Variants in CCKBR observed in about 807,000 individuals in gnomAD.
CCKBR encodes gastrin/cholecystokinin type B receptor.
A neutral mutation model predicts 34.6 loss-of-function variants in CCKBR; 33 were observed. The observed-to-expected ratio is 0.95, with a 90% CI of 0.72 to 1.27. The LOEUF is 1.27. CCKBR is among the 50% of genes most tolerant of loss of function. The pLI, the probability that CCKBR is intolerant of heterozygous loss-of-function variation, is 0.00. For missense variants in CCKBR, 652 were observed against 617.4 expected (o/e 1.06, Z -0.59); for synonymous variants, 269 against 267.5 (o/e 1.01, Z -0.06).
chr11:6,261,859 T>C (rs1047954208), intron 1 of CCKBR, among the ~76,000 whole-genome samples: 3 of 152,170 alleles, frequency 2.0e-5, no homozygotes, highest in Non-Finnish European at 2.9e-5. Context: ...GGTTACTATA[T>C]TACACTGTTC....
At position 6,259,918 on chromosome 11, in the gene CCKBR, C is replaced by G; in HGVS notation, c.-11C>G. Reference sequence around the variant, plus strand: ...GTCGAGCTGAGTAAGGCGGCGGGCTCGGCGGGGGCCATGGAGCTGCTAAAG... The same window carrying G: ...GTCGAGCTGAGTAAGGCGGCGGGCTGGGCGGGGGCCATGGAGCTGCTAAAG... On this transcript the variant is annotated 5_prime_UTR_variant, in exon 1 of 5. Coordinates refer to ENST00000334619, the MANE Select transcript of CCKBR (RefSeq NM_176875.4). 7.0e-7 allele frequency: 1 copy of G among 1,431,388 alleles called. No individual in the cohort carries two copies. Among genetic ancestry groups the G allele is most frequent in the Non-Finnish European group, 9.1e-7 (1 of 1,094,992 alleles). 88.7% of individuals were successfully genotyped at this position (1,431,388 alleles called of 1,614,324 possible).
rs746419391 is a variant in CCKBR, at chr11:6,270,676, C to T, written c.684C>T (p.Phe228=). ...TACTGCTGCTTCTGCTCTTGTTCTT[C>T]ATCCCGGGTGTGGTTATGGCCGTGG... ...WSVLLLLLLF[F]IPGVVMAVAY... is the part of the protein sequence containing the mutation. Residue 228 remains phenylalanine, a synonymous_variant, in exon 4 of 5, where the codon TTC becomes TTT. Transcript: ENST00000334619. 2 of 1,611,214 alleles carry T rather than the reference C, an allele frequency of 1.2e-6. No homozygotes were observed. Among genetic ancestry groups the T allele is most frequent in the South Asian group, 2.2e-5 (2 of 90,968 alleles).
In CCKBR at chr11:6,271,536, C is replaced by G; in HGVS notation, c.1337C>G (p.Pro446Arg). 1.3e-6 allele frequency: 2 copies of G among 1,591,544 alleles called. No individual in the cohort carries two copies. Among genetic ancestry groups the G allele is most frequent in the South Asian group, 1.1e-5 (1 of 89,848 alleles). ...TACACCACCATCAGCACACTGGGCC[C>G]TGGCTGAGGAGTAGAGGGGCCGTGG... ...LSYTTISTLG[P>R]G Residue 446 changes from proline (P) to arginine (R), a missense_variant, in exon 5 of 5, where the codon CCT becomes CGT. Coordinates refer to ENST00000334619, the MANE Select transcript of CCKBR (RefSeq NM_176875.4).
Position 6,259,853 on chromosome 11 carries a change from C to G in CCKBR, c.-76C>G. ...GGGCGGCGGGAGCCTGAGCCGGAAT[C>G]GCAGCGTGAGCAGGTGGAGCCGCGT... On this transcript the variant is annotated 5_prime_UTR_variant, in exon 1 of 5. It adds an upstream start codon to the 5' untranslated region. Transcript: ENST00000334619. The G allele has an allele frequency of 8.1e-7, 1 of 1,238,034 alleles. No individual in the cohort carries two copies. The highest frequency in any genetic ancestry group is 1.1e-6 in the Non-Finnish European group (1 of 944,158). 76.7% of individuals were successfully genotyped at this position (1,238,034 alleles called of 1,614,324 possible). A position where few individuals can be genotyped will look rare whatever the true frequency, so the allele number is the denominator to read the frequency against.
At position 6,271,214 on chromosome 11, in the gene CCKBR, G is replaced by T; in HGVS notation, c.1015G>T (p.Val339Phe). The T allele has an allele frequency of 6.2e-7, 1 of 1,614,178 alleles. No individual in the cohort carries two copies. The highest frequency in any genetic ancestry group is 2.2e-5 in the East Asian group (1 of 44,878). ...KRVVRMLLVI[V>F]VLFFLCWLPV... ...CGTGGTGCGAATGTTGCTGGTGATC[G>T]TTGTGCTTTTTTTTCTGTGTTGGTT... The change falls in exon 5 of 5, where the codon GTT (valine) becomes TTT (phenylalanine). Residue 339 changes from valine (V) to phenylalanine (F), a missense_variant. By Grantham distance (50) the Val-to-Phe change is conservative (BLOSUM62 -1). Transcript: ENST00000334619.
chr11:6,271,410 CTT>C lies in CCKBR; in HGVS notation c.1212_1213del (p.Cys405ArgfsTer18). On this transcript the variant is annotated frameshift_variant, in exon 5 of 5. Coordinates refer to ENST00000334619, the MANE Select transcript of CCKBR (RefSeq NM_176875.4). LOFTEE classifies it high-confidence loss of function. ...CGCTTTCGCCAGGCCTGCCTGGAAA[CTT>C]GCGCTCGCTGCTGCCCCCGGCCTCC... 6.2e-7 allele frequency: 1 copy of C among 1,613,958 alleles called. No individual in the cohort carries two copies. Among genetic ancestry groups the C allele is most frequent in the Non-Finnish European group, 8.5e-7 (1 of 1,180,042 alleles).
intron 2 of CCKBR, 56 bp from the exon 3 acceptor site, chr11:6,270,032 T>C: frequency 1.3e-6 from 2 of 1,587,772 alleles, no homozygotes; most frequent in Non-Finnish European, 1.7e-6. Context: ...GTCCCACTGA[T>C]GCTTGTGTAG....
At chr11:6,269,957 C>A (rs200916711) in intron 2 of CCKBR, 37 bp downstream of exon 2, 25 of 1,611,224 alleles carry the variant, frequency 1.6e-5, no homozygotes, top group African/African-American at 2.7e-5. Flanking sequence ...ACTTGCCACT[C>A]TCCCCGCCTA....
In CCKBR at chr11:6,259,904, TA is replaced by T. The variant is rs1431527181; in HGVS notation, c.-23del. 7.0e-7 allele frequency: 1 copy of T among 1,423,430 alleles called. No individual in the cohort carries two copies. Among genetic ancestry groups the T allele is most frequent in the Non-Finnish European group, 9.2e-7 (1 of 1,091,854 alleles). The allele number at this position is 1,423,430 out of a possible 1,614,324, so 88.2% of individuals were successfully genotyped here. A position where few individuals can be genotyped will look rare whatever the true frequency, so the allele number is the denominator to read the frequency against. On this transcript the variant is annotated 5_prime_UTR_variant, in exon 1 of 5. Transcript: ENST00000334619. The stretch of plus-strand genomic sequence containing the variant: ...TGGGAGCCCGCCGGGTCGAGCTGAG[TA>T]AGGCGGCGGGCTCGGCGGGGGCCAT...
intron 2 of CCKBR, 64 bp from the exon 3 acceptor site, chr11:6,270,024 C>T: frequency 6.3e-7 from 1 of 1,587,208 alleles, no homozygotes; most frequent in Non-Finnish European, 8.6e-7. Flanking sequence ...GTGAGGAAGT[C>T]CCACTGATGC....
Position 6,271,128 on chromosome 11 carries a change from C to T in CCKBR, c.929C>T (p.Thr310Met), listed in dbSNP as rs376332235. 8 of 1,613,998 alleles carry T rather than the reference C, an allele frequency of 5.0e-6. No homozygotes were observed. The East Asian group carries it at 1.6e-4, about 31-fold the overall frequency. ...CCTGCCCTGGAGCTGACGGCGCTGA[C>T]GGCTCCTGGGCCGGGATCCGGCTCC... ...SRPALELTAL[T>M]APGPGSGSRP... is the part of the protein sequence containing the mutation. Residue 310 changes from threonine (T) to methionine (M), a missense_variant, in exon 5 of 5, where the codon ACG becomes ATG. Physicochemically the swap from Thr to Met is moderately conservative, Grantham distance 81. Coordinates refer to ENST00000334619, the MANE Select transcript of CCKBR (RefSeq NM_176875.4).
chr11:6,266,534 T>C (rs1248138592), intron 1 of CCKBR, among the ~76,000 whole-genome samples: 2 of 151,318 alleles, frequency 1.3e-5, no homozygotes, highest in Admixed American at 1.3e-4. Context: ...AACATGGAGG[T>C]AGTATGATGA....
rs1848103004 is a variant in CCKBR, at chr11:6,259,977, C to A, written c.49C>A (p.Pro17Thr). 1.9e-6 allele frequency: 3 copies of A among 1,561,088 alleles called. No individual in the cohort carries two copies. The highest frequency in any genetic ancestry group is 2.6e-6 in the Non-Finnish European group (3 of 1,157,464). ...NRSVQGTGPG[P>T]GASLCRPGAP... is the part of the protein sequence containing the mutation. ...GAGCGTGCAGGGAACCGGACCCGGGCCGGGGGCTTCCCTGTGCCGCCCGGG... is the reference window on the plus strand; with the variant it reads ...GAGCGTGCAGGGAACCGGACCCGGGACGGGGGCTTCCCTGTGCCGCCCGGG... Residue 17 changes from proline (P) to threonine (T), a missense_variant, in exon 1 of 5, where the codon CCG (proline) becomes ACG (threonine). Physicochemically the swap from Pro to Thr is conservative, Grantham distance 38. Coordinates refer to ENST00000334619, the MANE Select transcript of CCKBR (RefSeq NM_176875.4).
chr11:6,271,370 T>A lies in CCKBR; in HGVS notation c.1171T>A (p.Cys391Ser). Reference protein sequence around the residue: ...ASACVNPLVYCFMHRRFRQAC... With the variant: ...ASACVNPLVYSFMHRRFRQAC... The stretch of plus-strand genomic sequence containing the variant: ...GGCCTGTGTCAACCCCCTGGTCTAC[T>A]GCTTCATGCACCGTCGCTTTCGCCA... Residue 391 changes from cysteine to serine, a missense_variant, in exon 5 of 5, where the codon TGC (cysteine) becomes AGC (serine). Physicochemically the swap from Cys to Ser is moderately radical, Grantham distance 112 (BLOSUM62 -1). Coordinates refer to ENST00000334619, the MANE Select transcript of CCKBR (RefSeq NM_176875.4). 1 of 1,614,184 alleles carries A rather than the reference T, an allele frequency of 6.2e-7. No homozygotes were observed. Among genetic ancestry groups the A allele is most frequent in the African/African-American group, 1.3e-5 (1 of 75,052 alleles).
At chr11:6,267,308 C>A (rs150555453) in intron 1 of CCKBR, among the ~76,000 whole-genome samples, 4 of 151,852 alleles carry the variant, frequency 2.6e-5, no homozygotes, top group South Asian at 2.1e-4. Context: ...AAAATATTTT[C>A]TTTTTTTATA....
chr11:6,266,362 G>A (rs1347032941), intron 1 of CCKBR, among the ~76,000 whole-genome samples: 1 of 152,126 alleles, frequency 6.6e-6, no homozygotes, highest in Non-Finnish European at 1.5e-5. Flanking sequence ...GGTGGTGCAT[G>A]CCTGTAATTC....
Position 6,261,462 on chromosome 11 carries a change from T to TATATATATATACACAC in CCKBR, c.151+1384_151+1385insTATATATATACACACA, listed in dbSNP as rs764173521. On this transcript the variant is annotated intron_variant, in intron 1 of 4. Coordinates refer to ENST00000334619, the MANE Select transcript of CCKBR (RefSeq NM_176875.4). ...AAAAAAAAAAAAAAAAAAATATATATACACACACACACACACACACACACA... is the reference window on the plus strand; with the variant it reads ...AAAAAAAAAAAAAAAAAAATATATATATATATATATACACACACACACACACACACACACACACACA... Among the ~76,000 whole-genome samples the TATATATATATACACAC allele has an allele frequency of 7.7e-3, 495 of 63,944 alleles. 20 individuals are homozygous for TATATATATATACACAC. The highest frequency in any genetic ancestry group is 0.018 in the East Asian group (28 of 1,560). The allele number at this position is 63,944 out of a possible 152,430, so 41.9% of individuals were successfully genotyped here.
At chr11:6,267,807 T>C (rs558109634) in intron 1 of CCKBR, among the ~76,000 whole-genome samples, 2 of 152,340 alleles carry the variant, frequency 1.3e-5, no homozygotes, top group South Asian at 2.1e-4. Context: ...TACTAGGTGA[T>C]AGAAACTTTT....
Position 6,271,516 on chromosome 11 carries a change from C to A in CCKBR, c.1317C>A (p.Thr439=). Residue 439 remains threonine (T), a synonymous_variant, in exon 5 of 5, where the codon ACC becomes ACA. Transcript: ENST00000334619. ...CTTCGCTGTCCAGGCTTAGCTACAC[C>A]ACCATCAGCACACTGGGCCCTGGCT... ...SIASLSRLSY[T]TISTLGPG The A allele has an allele frequency of 6.2e-7, 1 of 1,601,814 alleles. No individual in the cohort carries two copies. Among genetic ancestry groups the A allele is most frequent in the Non-Finnish European group, 8.5e-7 (1 of 1,173,868 alleles).
Sources: gnomAD v4.1 joint callset for allele counts (sites outside exome capture counted in the v4.1 genomes callset) on GRCh38, gnomAD v4.1.1 for gene constraint, MANE v1.5 for transcripts, NCBI Gene and HGNC (gene_info 2026-07-23, HGNC 2026-07-21) for gene names.